Variants in S100Z observed in about 807,000 individuals in gnomAD.
S100Z encodes the protein S100 calcium binding protein Z.
Under a neutral mutation model 8.5 loss-of-function variants are expected in S100Z, and 11 were observed. That is an observed-to-expected ratio of 1.30 (90% CI 0.82 to 2.15). The LOEUF is 2.15. Among genes scored for constraint, S100Z ranks in the 30% most tolerant of loss-of-function variants. The probability of loss-of-function intolerance (pLI) is 0.00; values close to 1 mark genes in which losing one functional copy is unlikely to be tolerated. For missense variants in S100Z, 126 were observed against 117.9 expected (o/e 1.07, Z -0.32); for synonymous variants, 34 against 43.8 (o/e 0.78, Z 0.89).
the S100Z span, among the ~76,000 whole-genome samples, chr5:76,949,761 A>T: frequency 6.6e-6 from 1 of 152,204 alleles, no homozygotes; most frequent in Non-Finnish European, 1.5e-5. Context: ...AAATAGTGAG[A>T]CTCGTAGAAG....
chr5:76,882,206 A>G (rs1299263045), intron 4 of S100Z, among the ~76,000 whole-genome samples: 1 of 152,194 alleles, frequency 6.6e-6, no homozygotes, highest in African/African-American at 2.4e-5. Context: ...AGTTGAGCAC[A>G]GTTTGTGATT....
At chr5:76,867,540 C>A (rs1170052744) in intron 1 of S100Z, among the ~76,000 whole-genome samples, 1 of 151,664 alleles carries the variant, frequency 6.6e-6, no homozygotes, top group Non-Finnish European at 1.5e-5. Flanking sequence ...TTGCTCCCAC[C>A]TTTGTGGATA....
intron 4 of S100Z, among the ~76,000 whole-genome samples, chr5:76,881,874 C>T (rs1743411795): frequency 6.6e-6 from 1 of 152,122 alleles, no homozygotes; most frequent in Admixed American, 6.5e-5. Flanking sequence ...CTTTTGATGG[C>T]CTTTGCAGTG....
the S100Z span, among the ~76,000 whole-genome samples, chr5:76,934,108 C>T: frequency 0.52 from 78,615 of 151,994 alleles, 20,854 homozygotes; most frequent in Middle Eastern, 0.74. Context: ...GAATTAGTGA[C>T]AGAGGAAGAA....
chr5:76,875,762 G>A (rs1743169792), intron 3 of S100Z, among the ~76,000 whole-genome samples: 1 of 152,116 alleles, frequency 6.6e-6, no homozygotes, highest in Non-Finnish European at 1.5e-5. Flanking sequence ...TTAACATTCT[G>A]GTGCGGCAAA....
rs2150680837 is a variant in S100Z at position 76,911,848 on chromosome 5, A to T, written c.*3-8869A>T. Among the ~76,000 whole-genome samples, 3 of 152,342 alleles carry T rather than the reference A, an allele frequency of 2.0e-5. No homozygotes were observed. In the East Asian group the frequency reaches 5.8e-4, roughly 29 times the overall value. On this transcript the variant is annotated intron_variant, in intron 4 of 4. Transcript: ENST00000317593. Reference sequence around the variant, plus strand: ...TACTGGCTTATCCTCACCCTAAGACATTAAAACAGTTGCGGGGGTTCCTTG... The same window carrying T: ...TACTGGCTTATCCTCACCCTAAGACTTTAAAACAGTTGCGGGGGTTCCTTG...
chr5:76,873,055 C>T (rs1743064246), intron 2 of S100Z, among the ~76,000 whole-genome samples: 1 of 152,042 alleles, frequency 6.6e-6, no homozygotes, highest in African/African-American at 2.4e-5. Context: ...TATGGTCATC[C>T]CCATTTAGAC....
chr5:76,898,952 T>TTG (rs1744139671), intron 4 of S100Z, among the ~76,000 whole-genome samples: 2 of 148,834 alleles, frequency 1.3e-5, no homozygotes, highest in African/African-American at 4.9e-5. Context: ...TTTTTTTTTT[T>TTG]GAGACAGAAT....
At chr5:76,897,421 C>T (rs373037978) in intron 4 of S100Z, among the ~76,000 whole-genome samples, 37 of 150,694 alleles carry the variant, frequency 2.5e-4, no homozygotes, top group East Asian at 5.9e-4. Context: ...CCAGCCTGGG[C>T]GACAGAGCGA....
chr5:76,912,530 G>A (rs78648071), intron 4 of S100Z, among the ~76,000 whole-genome samples: 1,708 of 152,282 alleles, frequency 0.011, 23 homozygotes, highest in African/African-American at 0.036. Context: ...AGAACTAGTG[G>A]TGCTTACCTG....
chr5:76,862,596 C>T (rs781200273), intron 1 of S100Z, among the ~76,000 whole-genome samples: 2 of 151,986 alleles, frequency 1.3e-5, no homozygotes, highest in Non-Finnish European at 2.9e-5. Context: ...GCCAGGAGTT[C>T]GAGACCAGCC....
At chr5:76,871,564 C>T (rs897108523) in intron 2 of S100Z, among the ~76,000 whole-genome samples, 3 of 149,756 alleles carry the variant, frequency 2.0e-5, no homozygotes, top group Non-Finnish European at 4.4e-5. Context: ...GCTTTATCAC[C>T]CACCCTGGAG....
chr5:76,880,697 T>A (rs1743374958), intron 4 of S100Z, among the ~76,000 whole-genome samples: 1 of 152,200 alleles, frequency 6.6e-6, no homozygotes, highest in Non-Finnish European at 1.5e-5. Flanking sequence ...GACATCCAAT[T>A]ACAGAGTGTC....
At position 76,886,331 on chromosome 5, in the gene S100Z, G is replaced by A. The variant is rs562082419; in HGVS notation, c.*2+8497G>A. 7.2e-4 allele frequency among the ~76,000 whole-genome samples: 109 copies of A among 152,232 alleles called. 1 individual carries two copies. The highest frequency in any genetic ancestry group is 2.5e-3 in the African/African-American group (102 of 41,530). ...CCTTTGTCTCTACCAGAAAATGAAAGGAATTGAAATTATGAGAAGGGACAG... is the reference window on the plus strand; with the variant it reads ...CCTTTGTCTCTACCAGAAAATGAAAAGAATTGAAATTATGAGAAGGGACAG... On this transcript the variant is annotated intron_variant, in intron 4 of 4. Coordinates refer to ENST00000317593, the MANE Select transcript of S100Z (RefSeq NM_130772.4).
downstream of S100Z, among the ~76,000 whole-genome samples, chr5:76,922,508 G>GTTT (rs1187846368): frequency 6.1e-5 from 9 of 148,120 alleles, no homozygotes; most frequent in East Asian, 1.2e-3. Context: ...CATAAAGAGA[G>GTTT]TTTTTTTGTT....
chr5:76,935,790 G>A, the S100Z span, among the ~76,000 whole-genome samples: 2 of 149,672 alleles, frequency 1.3e-5, no homozygotes, highest in Non-Finnish European at 3.0e-5. Context: ...TTTTGCGATG[G>A]AGTTTCACTC....
At chr5:76,932,232 A>G in the S100Z span, among the ~76,000 whole-genome samples, 1 of 152,188 alleles carries the variant, frequency 6.6e-6, no homozygotes, top group Non-Finnish European at 1.5e-5. Context: ...TTGATGTCTT[A>G]TAGGCACAAC....
intron 4 of S100Z, among the ~76,000 whole-genome samples, chr5:76,882,927 T>C (rs1580018790): frequency 6.6e-6 from 1 of 151,608 alleles, no homozygotes. Context: ...GATAGGAGAG[T>C]ATATGGGTTT....
chr5:76,903,956 C>G (rs191774686), intron 4 of S100Z, among the ~76,000 whole-genome samples: 1 of 151,608 alleles, frequency 6.6e-6, no homozygotes, highest in Non-Finnish European at 1.5e-5. Flanking sequence ...AGGCTGGTCT[C>G]GAACTCCTGA....
Sources: allele counts gnomAD v4.1 joint callset (sites outside exome capture counted in the v4.1 genomes callset), GRCh38; gene constraint gnomAD v4.1.1; transcripts MANE v1.5; gene names NCBI Gene and HGNC (gene_info 2026-07-23, HGNC 2026-07-21).